ST6GALNAC3: variants seen among roughly 807,000 people sequenced by gnomAD.
ST6GALNAC3 encodes the protein ST6 N-acetylgalactosaminide alpha-2,6-sialyltransferase 3.
In ST6GALNAC3, 25 loss-of-function variants were observed where a neutral mutation model predicts 32.7. That is an observed-to-expected ratio of 0.76 (90% CI 0.56 to 1.07). The LOEUF (loss-of-function observed/expected upper bound fraction) is 1.07. Among genes scored for constraint, ST6GALNAC3 ranks in the 50% least tolerant of loss-of-function variants. ST6GALNAC3 has a pLI of 0.00. For synonymous variants in ST6GALNAC3, 129 were observed against 133.1 expected (o/e 0.97, Z 0.21); for missense variants, 355 against 382.4 (o/e 0.93, Z 0.60).
intron 3 of ST6GALNAC3, among the ~76,000 whole-genome samples, chr1:76,620,972 C>T (rs1404567153): frequency 6.6e-6 from 1 of 152,006 alleles, no homozygotes; most frequent in Non-Finnish European, 1.5e-5. Flanking sequence ...AAGAAAATAA[C>T]CTTTTAATTT....
chr1:76,395,626 A>G (rs1652898253), intron 2 of ST6GALNAC3, among the ~76,000 whole-genome samples: 1 of 152,064 alleles, frequency 6.6e-6, no homozygotes, highest in Admixed American at 6.5e-5. Context: ...CACACAGAGG[A>G]ATATTATTCA....
intron 3 of ST6GALNAC3, among the ~76,000 whole-genome samples, chr1:76,592,894 T>A (rs1042350393): frequency 6.6e-6 from 1 of 152,074 alleles, no homozygotes; most frequent in Admixed American, 6.6e-5. Context: ...TGGTGGGGAG[T>A]GAAAAATCTT....
intron 3 of ST6GALNAC3, among the ~76,000 whole-genome samples, chr1:76,627,106 C>T (rs1649014562): frequency 6.6e-6 from 1 of 151,860 alleles, no homozygotes; most frequent in South Asian, 2.1e-4. Context: ...AATCTTTCCT[C>T]TGATAGACAG....
At chr1:76,456,866 G>A (rs12088394) in intron 3 of ST6GALNAC3, among the ~76,000 whole-genome samples, 26,092 of 152,054 alleles carry the variant, frequency 0.17, 2,386 homozygotes, top group African/African-American at 0.22. Flanking sequence ...AATTAGGCAG[G>A]AGAAGGAAAT....
chr1:76,248,513 T>C (rs893876888), intron 1 of ST6GALNAC3, among the ~76,000 whole-genome samples: 13 of 152,198 alleles, frequency 8.5e-5, no homozygotes, highest in Admixed American at 8.5e-4. Flanking sequence ...GCTAATGCTT[T>C]TCTTTAATCA....
intron 1 of ST6GALNAC3, among the ~76,000 whole-genome samples, chr1:76,241,230 A>G (rs1313159734): frequency 6.6e-6 from 1 of 152,200 alleles, no homozygotes; most frequent in Non-Finnish European, 1.5e-5. Flanking sequence ...GTGTTGCTAT[A>G]AAGGAATATA....
At chr1:76,577,260 C>A in intron 3 of ST6GALNAC3, 1 of 991,704 alleles carries the variant, frequency 1.0e-6, no homozygotes, top group Middle Eastern at 5.2e-4. Context: ...GAATGGAGAG[C>A]TTTCTGATTT....
intron 2 of ST6GALNAC3, among the ~76,000 whole-genome samples, chr1:76,397,294 T>C (rs1432425849): frequency 6.6e-6 from 1 of 151,972 alleles, no homozygotes; most frequent in Non-Finnish European, 1.5e-5. Flanking sequence ...AGAAATTAAA[T>C]TTTTTCCTGA....
At chr1:76,305,959 A>C (rs573694490) in intron 1 of ST6GALNAC3, 1 of 517,520 alleles carries the variant, frequency 1.9e-6, no homozygotes, top group South Asian at 1.4e-5. Flanking sequence ...GTTAATTGTT[A>C]TTCATACTAA....
At chr1:76,318,073 A>T (rs4590721) in intron 2 of ST6GALNAC3, among the ~76,000 whole-genome samples, 100,967 of 150,950 alleles carry the variant, frequency 0.67, 34,126 homozygotes, top group Non-Finnish European at 0.73. Flanking sequence ...TGTTTTTTTT[A>T]AAAAAAATAA....
intron 1 of ST6GALNAC3, among the ~76,000 whole-genome samples, chr1:76,202,202 A>C (rs72675908): frequency 0.091 from 13,757 of 151,782 alleles, 695 homozygotes; most frequent in African/African-American, 0.14. Context: ...TGGAGAGCAG[A>C]GGAAAGCATT....
At chr1:76,504,769 G>A (rs1048868688) in intron 3 of ST6GALNAC3, among the ~76,000 whole-genome samples, 6 of 152,088 alleles carry the variant, frequency 3.9e-5, no homozygotes, top group African/African-American at 1.4e-4. Flanking sequence ...TATATGATTT[G>A]CTATTTGAGC....
At chr1:76,359,623 A>T (rs546222824) in intron 2 of ST6GALNAC3, among the ~76,000 whole-genome samples, 278 of 152,322 alleles carry the variant, frequency 1.8e-3, no homozygotes, top group African/African-American at 6.1e-3. Context: ...GAATGCAGTT[A>T]TTTAAGCCAC....
intron 1 of ST6GALNAC3, among the ~76,000 whole-genome samples, chr1:76,228,439 G>T (rs550757485): frequency 6.6e-6 from 1 of 152,256 alleles, no homozygotes; most frequent in Non-Finnish European, 1.5e-5. Flanking sequence ...AGGTGGCCCA[G>T]TAACCTTGCG....
At chr1:76,247,438 C>A (rs982949072) in intron 1 of ST6GALNAC3, among the ~76,000 whole-genome samples, 21 of 152,198 alleles carry the variant, frequency 1.4e-4, no homozygotes, top group African/African-American at 4.3e-4. Context: ...ACCCCTCCCC[C>A]TAAGTGCTCT....
rs145344635 is a variant in ST6GALNAC3 at position 76,198,458 on chromosome 1, T to A, written c.19-115347T>A. Among the ~76,000 whole-genome samples, 1,331 of 152,356 alleles carry A rather than the reference T, an allele frequency of 8.7e-3. 25 individuals are homozygous for A. The highest frequency in any genetic ancestry group is 0.03 in the African/African-American group (1,252 of 41,572). ...ACAGTATGGAAAATGAACAGAGGGT[T>A]GGCAGCATTTGAGGCAGGGAAACAG... On this transcript the variant is annotated intron_variant, in intron 1 of 4. Coordinates refer to ENST00000328299, the MANE Select transcript of ST6GALNAC3 (RefSeq NM_152996.4).
chr1:76,376,387 A>G (rs1175527561), intron 2 of ST6GALNAC3, among the ~76,000 whole-genome samples: 2 of 152,168 alleles, frequency 1.3e-5, no homozygotes, highest in East Asian at 3.8e-4. Flanking sequence ...TGTAACCAAT[A>G]CCACAGTCAA....
chr1:76,187,832 G>GTAGC lies in ST6GALNAC3; in HGVS notation c.18+112951_18+112954dup, dbSNP rs1435096627. On this transcript the variant is annotated intron_variant, in intron 1 of 4. Coordinates refer to ENST00000328299, the MANE Select transcript of ST6GALNAC3 (RefSeq NM_152996.4). ...GATACCCACTCCTGGCAATGTCCAT[G>GTAGC]TAGCTAACTTCCGGTCACCATGTCC... Among the ~76,000 whole-genome samples the GTAGC allele has an allele frequency of 2.0e-5, 3 of 152,276 alleles. No individual in the cohort carries two copies. In the East Asian group the frequency reaches 5.8e-4, roughly 29 times the overall value.
At chr1:76,451,431 C>T (rs1453024304) in intron 3 of ST6GALNAC3, among the ~76,000 whole-genome samples, 1 of 152,142 alleles carries the variant, frequency 6.6e-6, no homozygotes, top group Non-Finnish European at 1.5e-5. Context: ...GAGAAACCTG[C>T]CCCTGTGATT....
Sources: allele counts gnomAD v4.1 joint callset (sites outside exome capture counted in the v4.1 genomes callset), GRCh38; gene constraint gnomAD v4.1.1; transcripts MANE v1.5; gene names NCBI Gene and HGNC (gene_info 2026-07-23, HGNC 2026-07-21).